Variants in RAD50 observed in about 807,000 individuals in gnomAD.
RAD50 encodes DNA repair protein RAD50.
In RAD50, 132 loss-of-function variants were observed where a neutral mutation model predicts 168.8. The observed-to-expected ratio is 0.78, with a 90% confidence interval of 0.68 to 0.90. The LOEUF (loss-of-function observed/expected upper bound fraction) is 0.90. Ranked by LOEUF, RAD50 falls within the 40% of genes least tolerant of loss-of-function variation. The pLI is 0.00. For missense variants in RAD50, 1,347 were observed against 1,534.4 expected (o/e 0.88, Z 2.04); for synonymous variants, 525 against 497.4 (o/e 1.06, Z -0.74).
Position 132,557,465 on chromosome 5 carries a change from G to A in RAD50, c.129+12G>A. 4 of 1,614,148 alleles carry A rather than the reference G, an allele frequency of 2.5e-6. No individual in the cohort carries two copies. Among genetic ancestry groups the A allele is most frequent in the Non-Finnish European group, 3.4e-6 (4 of 1,179,948 alleles). On this transcript the variant is annotated intron_variant, in intron 1 of 24. Coordinates refer to ENST00000378823, the MANE Select transcript of RAD50 (RefSeq NM_005732.4). ...GGGCGGGAAAGACGGTAAGTCTTCA[G>A]TAGCCGCCTTCAGTTTACAGGTCGC...
chr5:132,643,066 CT>C lies in RAD50; in HGVS notation c.*705del, dbSNP rs1214174009. Reference sequence around the variant, plus strand: ...GAAATTCTCCACTGTGCACACCCACCTTTGGAAAGCTCTGACCACTTGAGGC... The same window carrying C: ...GAAATTCTCCACTGTGCACACCCACCTTGGAAAGCTCTGACCACTTGAGGC... On this transcript the variant is annotated 3_prime_UTR_variant, in exon 25 of 25. Transcript: ENST00000378823. The C allele has an allele frequency of 1.9e-6, 1 of 529,634 alleles. No homozygotes were observed. Among genetic ancestry groups the C allele is most frequent in the South Asian group, 1.5e-5 (1 of 65,048 alleles). 32.8% of individuals were successfully genotyped at this position (529,634 alleles called of 1,614,324 possible).
At chr5:132,632,658 T>C (rs1751498309) in intron 21 of RAD50, among the ~76,000 whole-genome samples, 1 of 152,248 alleles carries the variant, frequency 6.6e-6, no homozygotes. Flanking sequence ...GCAGAGTGTG[T>C]CTTTGCACAC....
intron 5 of RAD50, among the ~76,000 whole-genome samples, chr5:132,583,859 A>G (rs1436237340): frequency 6.6e-6 from 1 of 151,728 alleles, no homozygotes; most frequent in African/African-American, 2.4e-5. Flanking sequence ...ATACCCAGCT[A>G]ATTTTTTTTG....
In RAD50 at chr5:132,588,073, A is replaced by G. The variant is rs1750628666; in HGVS notation, c.1035A>G (p.Glu345=). 6.2e-7 allele frequency: 1 copy of G among 1,612,436 alleles called. No homozygotes were observed. Among genetic ancestry groups the G allele is most frequent in the Non-Finnish European group, 8.5e-7 (1 of 1,178,698 alleles). ...ESRLLNQEKS[E]LLVEQGRLQL... is the part of the protein sequence containing the mutation. ...GGCTTCTCAATCAGGAAAAATCAGAACTGCTTGTTGAACAGGGTAGGACAA... is the reference window on the plus strand; with the variant it reads ...GGCTTCTCAATCAGGAAAAATCAGAGCTGCTTGTTGAACAGGGTAGGACAA... Residue 345 remains glutamate (E), a synonymous_variant, in exon 7 of 25, where the codon GAA becomes GAG. Transcript: ENST00000378823.
rs1223725137 is a variant in RAD50, at chr5:132,588,025, G to A, written c.987G>A (p.Leu329=). 2 of 1,612,280 alleles carry A rather than the reference G, an allele frequency of 1.2e-6. No individual in the cohort carries two copies. Among genetic ancestry groups the A allele is most frequent in the Admixed American group, 1.7e-5 (1 of 60,014 alleles). The change falls in exon 7 of 25, where the codon CTG becomes CTA. Residue 329 remains leucine (L), a synonymous_variant. Coordinates refer to ENST00000378823, the MANE Select transcript of RAD50 (RefSeq NM_005732.4). ...ERKLVDCHRE[L]EKLNKESRLL... ...AATTGGTAGACTGTCATCGTGAACT[G>A]GAAAAACTAAATAAAGAATCTAGGC...
intron 21 of RAD50, among the ~76,000 whole-genome samples, chr5:132,625,732 A>G (rs1751363019): frequency 2.0e-5 from 3 of 152,174 alleles, no homozygotes; most frequent in South Asian, 4.2e-4. Context: ...CATGAGTTCA[A>G]TTGTTTTAAT....
chr5:132,557,221 A>T lies in RAD50; in HGVS notation c.-104A>T. ...CTCGCTCCCCGCCCGGATCCTCCTG[A>T]CCCTGAGATTCGCGGGTCTCACGTC... On this transcript the variant is annotated 5_prime_UTR_variant, in exon 1 of 25. Transcript: ENST00000378823. 6.7e-7 allele frequency: 1 copy of T among 1,489,808 alleles called. No homozygotes were observed. Among genetic ancestry groups the T allele is most frequent in the South Asian group, 1.1e-5 (1 of 87,796 alleles). The allele number at this position is 1,489,808 out of a possible 1,614,324, so 92.3% of individuals were successfully genotyped here.
chr5:132,621,546 A>G (rs1375430111), intron 21 of RAD50, among the ~76,000 whole-genome samples: 1 of 152,080 alleles, frequency 6.6e-6, no homozygotes, highest in South Asian at 2.1e-4. Flanking sequence ...TTTGGAGTAT[A>G]TTCTTCAATA....
intron 2 of RAD50, among the ~76,000 whole-genome samples, chr5:132,572,723 G>A (rs970316370): frequency 6.6e-6 from 1 of 152,112 alleles, no homozygotes; most frequent in African/African-American, 2.4e-5. Flanking sequence ...TCAGCTTCGG[G>A]TTTATAGCAA....
chr5:132,557,474 T>C (rs769034436), intron 1 of RAD50, 21 bp downstream of exon 1: 1 of 1,614,006 alleles, frequency 6.2e-7, no homozygotes, highest in Non-Finnish European at 8.5e-7. Flanking sequence ...AGTAGCCGCC[T>C]TCAGTTTACA....
chr5:132,609,524 G>A, intron 19 of RAD50, 128 bp downstream of exon 19: 6 of 1,441,226 alleles, frequency 4.2e-6, no homozygotes, highest in Admixed American at 4.3e-5. Context: ...GCTCACACCT[G>A]TAATCCCTGC....
chr5:132,633,867 T>G (rs780234595), intron 21 of RAD50, among the ~76,000 whole-genome samples: 1 of 151,986 alleles, frequency 6.6e-6, no homozygotes, highest in Non-Finnish European at 1.5e-5. Context: ...TTTCATTCAT[T>G]TGGATTTTAT....
In RAD50 at chr5:132,613,108, A is replaced by G. The variant is rs182086167; in HGVS notation, c.3037-2895A>G. Among the ~76,000 whole-genome samples, 138 of 151,668 alleles carry G rather than the reference A, an allele frequency of 9.1e-4. 1 individual carries two copies. Among genetic ancestry groups the G allele is most frequent in the Non-Finnish European group, 5.9e-5 (4 of 67,772 alleles). ...GGTATCTAGAATGCAGCTAATTTTT[A>G]TGTTTCCATAGGTGACCAGCTGCAT... On this transcript the variant is annotated intron_variant, in intron 19 of 24. Coordinates refer to ENST00000378823, the MANE Select transcript of RAD50 (RefSeq NM_005732.4).
chr5:132,583,674 TGTGA>T (rs1580989736), intron 5 of RAD50, among the ~76,000 whole-genome samples: 1 of 151,224 alleles, frequency 6.6e-6, no homozygotes, highest in Non-Finnish European at 1.5e-5. Flanking sequence ...TTGCTGCATG[TGTGA>T]GTAATTCATT....
At chr5:132,579,217 T>G in intron 3 of RAD50, 100 bp from the exon 4 acceptor site, 1 of 1,292,346 alleles carries the variant, frequency 7.7e-7, no homozygotes, top group Non-Finnish European at 1.1e-6. Flanking sequence ...AGGGCCTTTT[T>G]TTTTATTCTT....
intron 9 of RAD50, 122 bp downstream of exon 9, chr5:132,589,959 T>C: frequency 2.1e-6 from 2 of 934,990 alleles, no homozygotes; most frequent in Non-Finnish European, 3.2e-6. Flanking sequence ...CTTATTCTCA[T>C]GTAAAATGAA....
rs2149841081 is a variant in RAD50 at position 132,588,737 on chromosome 5, G to A, written c.1102G>A (p.Asp368Asn). The A allele has an allele frequency of 6.2e-7, 1 of 1,613,902 alleles. No individual in the cohort carries two copies. Among genetic ancestry groups the A allele is most frequent in the East Asian group, 2.2e-5 (1 of 44,856 alleles). The change falls in exon 8 of 25, where the codon GAT becomes AAT. Residue 368 changes from aspartate to asparagine, a missense_variant. By Grantham distance (23) the Asp-to-Asn change is conservative (BLOSUM62 1). Around this residue, in one of 3 missense-constraint regions of RAD50, gnomAD observed 703 missense variants for 767.7 expected, o/e 0.92. Transcript: ENST00000378823. Reference sequence around the variant, plus strand: ...CCATCAAGAACATATCCGAGCTAGAGATTCATTAATTCAGTCTTTGGCAAC... The same window carrying A: ...CCATCAAGAACATATCCGAGCTAGAAATTCATTAATTCAGTCTTTGGCAAC... Reference protein sequence around the residue: ...DRHQEHIRARDSLIQSLATQL... With the variant: ...DRHQEHIRARNSLIQSLATQL...
chr5:132,637,557 C>T (rs1388009519), intron 22 of RAD50, among the ~76,000 whole-genome samples: 2 of 150,378 alleles, frequency 1.3e-5, no homozygotes, highest in East Asian at 3.9e-4. Flanking sequence ...TGGAGTCTCG[C>T]ACTTCTCTGT....
At chr5:132,640,910 C>A in intron 24 of RAD50, 105 bp downstream of exon 24, 2 of 1,569,902 alleles carry the variant, frequency 1.3e-6, no homozygotes, top group Non-Finnish European at 1.7e-6. Context: ...AAAACGTTCT[C>A]TAGCTGTGTT....
Sources: allele counts gnomAD v4.1 joint callset (sites outside exome capture counted in the v4.1 genomes callset), GRCh38; gene constraint gnomAD v4.1.1; regional missense constraint gnomAD v4.1.1; transcripts MANE v1.5; gene names NCBI Gene and HGNC (gene_info 2026-07-23, HGNC 2026-07-21).